The following TAF12 variants were observed in gnomAD, a reference collection of about 807,000 sequenced individuals.
TAF12 encodes the protein TATA-box binding protein associated factor 12.
A neutral mutation model predicts 20.8 loss-of-function variants in TAF12; 3 were observed. The ratio of observed to expected loss-of-function variants is 0.14; its 90% CI spans 0.07 to 0.37. TAF12 has a LOEUF of 0.37. Ranked by LOEUF, TAF12 falls within the 10% of genes least tolerant of loss-of-function variation. The pLI, the probability that TAF12 is intolerant of heterozygous loss-of-function variation, is 1.00. For synonymous variants in TAF12, 69 were observed against 70.2 expected (o/e 0.98, Z 0.09); for missense variants, 131 against 197.9 (o/e 0.66, Z 2.03).
chr1:28,632,052 T>C (rs1667647607), intron 1 of TAF12, among the ~76,000 whole-genome samples: 1 of 152,182 alleles, frequency 6.6e-6, no homozygotes, highest in Non-Finnish European at 1.5e-5. Flanking sequence ...AGCAACATCA[T>C]TCACAACTAC....
intron 1 of TAF12, among the ~76,000 whole-genome samples, chr1:28,632,688 G>A (rs1159993181): frequency 2.0e-5 from 3 of 152,044 alleles, no homozygotes; most frequent in Non-Finnish European, 4.4e-5. Context: ...TGGTTGTTAA[G>A]GAGTCTGGGG....
chr1:28,646,634 G>A (rs1668193379), upstream of TAF12, among the ~76,000 whole-genome samples: 1 of 151,300 alleles, frequency 6.6e-6, no homozygotes, highest in African/African-American at 2.4e-5. Context: ...AGGTTCAAGT[G>A]ATTCTCCTGC....
rs371323172 is a variant in TAF12 at position 28,605,500 on chromosome 1, AAGGCAGTACC to A, written c.362-50_362-41del. Reference sequence around the variant, plus strand: ...CCAGCACAGAGATAAACGTACCAAGAAGGCAGTACCAGGAGTGCAATGTGACCCCCTTGGA... The same window carrying A: ...CCAGCACAGAGATAAACGTACCAAGAAGGAGTGCAATGTGACCCCCTTGGA... On this transcript the variant is annotated intron_variant, in intron 4 of 5. Transcript: ENST00000373824. 1.6e-3 allele frequency: 2,559 copies of A among 1,603,942 alleles called. 31 individuals are homozygous for A. In the African/African-American group the frequency reaches 0.027, roughly 17 times the overall value.
intron 1 of TAF12, among the ~76,000 whole-genome samples, chr1:28,626,417 T>C (rs1474249781): frequency 2.0e-5 from 3 of 150,930 alleles, no homozygotes; most frequent in Admixed American, 2.0e-4. Flanking sequence ...CCATCTCTAC[T>C]AAAAATACAA....
upstream of TAF12, chr1:28,648,074 G>T: frequency 1.5e-6 from 1 of 673,860 alleles, no homozygotes; most frequent in Non-Finnish European, 1.8e-6. Context: ...GCTTATGCGT[G>T]ACCTTGTGAC....
At chr1:28,640,834 G>C (rs1668005462) in intron 1 of TAF12, among the ~76,000 whole-genome samples, 1 of 152,056 alleles carries the variant, frequency 6.6e-6, no homozygotes, top group South Asian at 2.1e-4. Flanking sequence ...AGAACATTTT[G>C]GGAGGCCAAG....
intron 5 of TAF12, among the ~76,000 whole-genome samples, chr1:28,604,394 C>T (rs1223151014): frequency 1.1e-4 from 17 of 152,216 alleles, no homozygotes; most frequent in Non-Finnish European, 2.4e-4. Context: ...ACACTCAGAT[C>T]ATAGGTTTCA....
intron 2 of TAF12, among the ~76,000 whole-genome samples, chr1:28,618,833 C>T (rs539403301): frequency 9.2e-5 from 14 of 152,168 alleles, no homozygotes; most frequent in African/African-American, 3.4e-4. Flanking sequence ...TAAAAGCTCC[C>T]TGAGGGCAGC....
Position 28,613,331 on chromosome 1 carries a change from C to T in TAF12, c.277G>A (p.Glu93Lys), listed in dbSNP as rs752653157. ...TGACAGGCTGCTGTCACCACACTCT[C>T]GATAAAATCATCAGCAATCTGCAGC... ...MLLQIADDFI[E>K]SVVTAACQLA... The change falls in exon 4 of 6, where the codon GAG (glutamate) becomes AAG (lysine). Residue 93 changes from glutamate (E) to lysine (K), a missense_variant. Physicochemically the swap from Glu to Lys is moderately conservative, Grantham distance 56. Coordinates refer to ENST00000373824, the MANE Select transcript of TAF12 (RefSeq NM_005644.4). 5.0e-6 allele frequency: 8 copies of T among 1,611,416 alleles called. No individual in the cohort carries two copies. Among genetic ancestry groups the T allele is most frequent in the South Asian group, 1.1e-5 (1 of 90,136 alleles).
intron 3 of TAF12, among the ~76,000 whole-genome samples, chr1:28,615,065 T>C (rs926173366): frequency 2.7e-5 from 4 of 150,090 alleles, no homozygotes; most frequent in East Asian, 2.0e-4. Context: ...GCTGTGATCA[T>C]GGCACGGCAC....
At chr1:28,646,733 C>G (rs946425303), upstream of TAF12, among the ~76,000 whole-genome samples, 2 of 142,220 alleles carry the variant, frequency 1.4e-5, no homozygotes, top group African/African-American at 5.2e-5. Flanking sequence ...GAGTCTCACT[C>G]TGTCGCCCAG....
intron 1 of TAF12, among the ~76,000 whole-genome samples, chr1:28,631,113 C>A (rs773471094): frequency 5.4e-5 from 8 of 146,824 alleles, no homozygotes; most frequent in Non-Finnish European, 1.0e-4. Flanking sequence ...ACATATCCAA[C>A]AAATGACTTG....
upstream of TAF12, among the ~76,000 whole-genome samples, chr1:28,644,219 T>C (rs1398418483): frequency 2.0e-5 from 3 of 152,270 alleles, no homozygotes; most frequent in Non-Finnish European, 2.9e-5. Context: ...GTGAGCCACA[T>C]AGAAATTAGG....
Position 28,603,502 on chromosome 1 carries a change from A to G in TAF12, c.*37T>C. On this transcript the variant is annotated 3_prime_UTR_variant, in exon 6 of 6. Transcript: ENST00000373824. ...CTGAGTTCTCAGCTCAAGTATCTCC[A>G]AATACATTGCTGTCCATTCCCTGAC... The G allele has an allele frequency of 6.2e-7, 1 of 1,612,342 alleles. No individual in the cohort carries two copies. Among genetic ancestry groups the G allele is most frequent in the Non-Finnish European group, 8.5e-7 (1 of 1,178,674 alleles).
At chr1:28,642,604 T>A (rs1037469399) in intron 1 of TAF12, 92 of 975,894 alleles carry the variant, frequency 9.4e-5, no homozygotes, top group Non-Finnish European at 1.0e-4. Context: ...GGGTCTTCAC[T>A]GTCCCGCTTC....
chr1:28,611,266 G>A (rs1666852104), intron 4 of TAF12, among the ~76,000 whole-genome samples: 1 of 151,888 alleles, frequency 6.6e-6, no homozygotes, highest in African/African-American at 2.4e-5. Flanking sequence ...AGAATGGGAG[G>A]GTTGGGAGGG....
chr1:28,616,395 C>CAAA (rs534264411), intron 3 of TAF12, among the ~76,000 whole-genome samples: 1 of 73,214 alleles, frequency 1.4e-5, no homozygotes, highest in Non-Finnish European at 2.8e-5. Context: ...GATTCTGTCT[C>CAAA]AAAAAAAAAA....
chr1:28,632,628 T>C (rs910807019), intron 1 of TAF12, among the ~76,000 whole-genome samples: 11 of 152,004 alleles, frequency 7.2e-5, no homozygotes, highest in Admixed American at 2.0e-4. Flanking sequence ...ATAATTCCAT[T>C]TATAGGCCAC....
chr1:28,607,045 T>C (rs1228462736), intron 4 of TAF12, among the ~76,000 whole-genome samples: 1 of 152,202 alleles, frequency 6.6e-6, no homozygotes, highest in Non-Finnish European at 1.5e-5. Context: ...CACAAGAAGT[T>C]CCCAGAGGAC....
Sources: allele counts gnomAD v4.1 joint callset (sites outside exome capture counted in the v4.1 genomes callset), GRCh38; gene constraint gnomAD v4.1.1; transcripts MANE v1.5; gene names NCBI Gene and HGNC (gene_info 2026-07-23, HGNC 2026-07-21).